The following SNX18 variants were observed in gnomAD, a reference collection of about 807,000 sequenced individuals.
SNX18 encodes sorting nexin-18.
Under a neutral mutation model 48.7 loss-of-function variants are expected in SNX18, and 35 were observed. The observed-to-expected ratio is 0.72, with a 90% CI of 0.55 to 0.95. The LOEUF (loss-of-function observed/expected upper bound fraction) is 0.95, where lower values mean the gene tolerates loss of function less well. Among genes scored for constraint, SNX18 ranks in the 40% least tolerant of loss-of-function variants. The pLI is 0.00. For missense variants in SNX18, 824 were observed against 871.0 expected, an observed-to-expected ratio of 0.95 and a Z score of 0.68; for synonymous variants, 492 against 384.7, an observed-to-expected ratio of 1.28 and a Z score of -3.26.
intron 1 of SNX18, among the ~76,000 whole-genome samples, chr5:54,531,856 C>T (rs1365126481): frequency 6.6e-6 from 1 of 152,164 alleles, no homozygotes; most frequent in Non-Finnish European, 1.5e-5. Context: ...GCTCACCAGT[C>T]GGTACCACCG....
intron 1 of SNX18, among the ~76,000 whole-genome samples, chr5:54,526,732 C>T (rs891075131): frequency 6.6e-6 from 1 of 152,160 alleles, no homozygotes; most frequent in Non-Finnish European, 1.5e-5. Flanking sequence ...AGCTTGCAGT[C>T]TAGCAGGGTG....
chr5:54,639,305 G>GA, the SNX18 span, among the ~76,000 whole-genome samples: 1 of 152,090 alleles, frequency 6.6e-6, no homozygotes, highest in Non-Finnish European at 1.5e-5. Context: ...AAATTTTTCA[G>GA]AAAAAGCAAT....
chr5:54,548,053 G>A (rs536412919), downstream of SNX18, among the ~76,000 whole-genome samples: 3 of 152,290 alleles, frequency 2.0e-5, no homozygotes, highest in East Asian at 5.8e-4. Flanking sequence ...CTGAGGTGGG[G>A]GAAGTTAATC....
chr5:54,588,135 G>A, the SNX18 span, among the ~76,000 whole-genome samples: 1 of 151,946 alleles, frequency 6.6e-6, no homozygotes, highest in Non-Finnish European at 1.5e-5. Context: ...TCGTTTCATA[G>A]TATAGTGTCG....
chr5:54,620,622 G>C, the SNX18 span, among the ~76,000 whole-genome samples: 1 of 152,214 alleles, frequency 6.6e-6, no homozygotes, highest in Non-Finnish European at 1.5e-5. Flanking sequence ...GAACAGAGGC[G>C]TTGCCGTGGA....
the SNX18 span, among the ~76,000 whole-genome samples, chr5:54,563,941 T>G: frequency 3.3e-5 from 5 of 152,140 alleles, no homozygotes; most frequent in Non-Finnish European, 5.9e-5. Context: ...TAAAGGTTTA[T>G]ACATTTCTTT....
chr5:54,566,782 C>T, the SNX18 span, among the ~76,000 whole-genome samples: 2 of 152,222 alleles, frequency 1.3e-5, no homozygotes, highest in Non-Finnish European at 2.9e-5. Context: ...GGCATTACCC[C>T]AGGTCCCCCA....
chr5:54,582,758 C>A, the SNX18 span, among the ~76,000 whole-genome samples: 1 of 151,964 alleles, frequency 6.6e-6, no homozygotes, highest in South Asian at 2.1e-4. Flanking sequence ...CAGAGTAAGA[C>A]CCTGTCTCAA....
the SNX18 span, among the ~76,000 whole-genome samples, chr5:54,629,617 C>A: frequency 6.6e-6 from 1 of 152,202 alleles, no homozygotes; most frequent in Non-Finnish European, 1.5e-5. Flanking sequence ...TAGGGTGCTG[C>A]ATTTACCTTG....
At chr5:54,568,146 C>T in the SNX18 span, among the ~76,000 whole-genome samples, 7,227 of 152,272 alleles carry the variant, frequency 0.047, 258 homozygotes, top group Non-Finnish European at 0.072. Flanking sequence ...TCCCCACTTT[C>T]CCTTGGTTTC....
chr5:54,588,909 T>C, the SNX18 span, among the ~76,000 whole-genome samples: 1 of 152,194 alleles, frequency 6.6e-6, no homozygotes, highest in Non-Finnish European at 1.5e-5. Flanking sequence ...AAATTTACCA[T>C]GGTATCCTGT....
the SNX18 span, among the ~76,000 whole-genome samples, chr5:54,634,607 T>A: frequency 6.6e-6 from 1 of 152,104 alleles, no homozygotes; most frequent in Admixed American, 6.5e-5. Context: ...CTTCTCCCAA[T>A]GTGGCTCAGA....
the SNX18 span, among the ~76,000 whole-genome samples, chr5:54,604,712 G>A: frequency 6.6e-6 from 1 of 152,148 alleles, no homozygotes; most frequent in African/African-American, 2.4e-5. Flanking sequence ...GTGCAACATT[G>A]TAAATATGCT....
At chr5:54,573,526 C>T in the SNX18 span, among the ~76,000 whole-genome samples, 1 of 152,208 alleles carries the variant, frequency 6.6e-6, no homozygotes, top group African/African-American at 2.4e-5. Context: ...TTGAGTATCC[C>T]CTGATGCATT....
At chr5:54,591,447 T>C in the SNX18 span, among the ~76,000 whole-genome samples, 2 of 152,210 alleles carry the variant, frequency 1.3e-5, no homozygotes, top group Non-Finnish European at 2.9e-5. Context: ...TGCCTTGGCC[T>C]CCCAAAGTGC....
chr5:54,622,501 CA>C, the SNX18 span, among the ~76,000 whole-genome samples: 107 of 136,082 alleles, frequency 7.9e-4, no homozygotes, highest in Admixed American at 1.0e-3. Context: ...GCCACTGTCT[CA>C]AAAAAAAAAA....
the SNX18 span, among the ~76,000 whole-genome samples, chr5:54,599,585 A>G: frequency 9.8e-5 from 15 of 152,320 alleles, no homozygotes; most frequent in Non-Finnish European, 7.4e-5. Context: ...CATTCAAACT[A>G]TACTAAAAGG....
At chr5:54,560,236 T>C in the SNX18 span, among the ~76,000 whole-genome samples, 3 of 152,204 alleles carry the variant, frequency 2.0e-5, no homozygotes, top group African/African-American at 7.2e-5. Context: ...TCAATGCCCA[T>C]CAGTGGTGGA....
the SNX18 span, among the ~76,000 whole-genome samples, chr5:54,563,237 A>G: frequency 3.9e-5 from 6 of 152,330 alleles, no homozygotes; most frequent in East Asian, 1.2e-3. Context: ...AAAGTCTACC[A>G]TGGTGTACAG....
Sources: allele counts gnomAD v4.1 joint callset (sites outside exome capture counted in the v4.1 genomes callset), GRCh38; gene constraint gnomAD v4.1.1; transcripts MANE v1.5; gene names NCBI Gene and HGNC (gene_info 2026-07-23, HGNC 2026-07-21).